The following PTPRR variants were observed in gnomAD, a reference collection of about 807,000 sequenced individuals.
PTPRR encodes receptor-type tyrosine-protein phosphatase R.
PTPRR carries 38 observed loss-of-function variants against 77.2 expected under a neutral mutation model. The ratio of observed to expected loss-of-function variants is 0.49; its 90% confidence interval spans 0.38 to 0.65. PTPRR has a LOEUF of 0.65. PTPRR is among the 30% of genes least tolerant of loss of function. The pLI is 0.00. For missense variants in PTPRR, 744 were observed against 799.2 expected (o/e 0.93, Z 0.83); for synonymous variants, 299 against 283.1 (o/e 1.06, Z -0.57).
chr12:70,734,957 G>A (rs1303995033), intron 6 of PTPRR, among the ~76,000 whole-genome samples: 1 of 152,064 alleles, frequency 6.6e-6, no homozygotes, highest in South Asian at 2.1e-4. Context: ...GTCTCATGAC[G>A]TACCATTAAT....
At chr12:70,754,783 C>A in intron 4 of PTPRR, 1 of 1,469,918 alleles carries the variant, frequency 6.8e-7, no homozygotes, top group Non-Finnish European at 9.0e-7. Context: ...ACAATGCCAG[C>A]ATTATTTCCT....
chr12:70,675,972 GT>G (rs1287976687), intron 10 of PTPRR, among the ~76,000 whole-genome samples: 4 of 151,336 alleles, frequency 2.6e-5, no homozygotes, highest in African/African-American at 9.7e-5. Context: ...GTGTCTAGCT[GT>G]GATTTACATT....
chr12:70,805,059 G>A (rs1194633430), intron 2 of PTPRR, among the ~76,000 whole-genome samples: 1 of 151,962 alleles, frequency 6.6e-6, no homozygotes. Flanking sequence ...TTCTTTCACA[G>A]GAATAGCCTT....
At chr12:70,800,819 C>A (rs1334686508) in intron 2 of PTPRR, among the ~76,000 whole-genome samples, 4 of 151,782 alleles carry the variant, frequency 2.6e-5, no homozygotes, top group African/African-American at 9.7e-5. Context: ...CGCTTGAACC[C>A]GGGTGGCGGA....
intron 6 of PTPRR, among the ~76,000 whole-genome samples, chr12:70,734,754 C>CTTAAACAT (rs1409166995): frequency 6.6e-6 from 1 of 152,170 alleles, no homozygotes; most frequent in East Asian, 1.9e-4. Context: ...ACTACAATGG[C>CTTAAACAT]TTAAACATTT....
Position 70,701,276 on chromosome 12 carries a change from T to C in PTPRR, c.1055A>G (p.Asn352Ser), listed in dbSNP as rs751192088. 30 of 1,613,808 alleles carry C rather than the reference T, an allele frequency of 1.9e-5. No individual in the cohort carries two copies. Among genetic ancestry groups the C allele is most frequent in the Non-Finnish European group, 2.5e-5 (30 of 1,179,898 alleles). Residue 352 changes from asparagine (N) to serine (S), a missense_variant, in exon 7 of 14, where the codon AAC becomes AGC. Physicochemically the swap from Asn to Ser is conservative, Grantham distance 46. Coordinates refer to ENST00000283228, the MANE Select transcript of PTPRR (RefSeq NM_002849.4). ...SLTLDMSSLG[N>S]IEPFVSIPTP... ...TGGTATAGACACAAAGGGTTCAATGTTCCCCAAGCTACTCATGTCCAATGT... is the reference window on the plus strand; with the variant it reads ...TGGTATAGACACAAAGGGTTCAATGCTCCCCAAGCTACTCATGTCCAATGT...
intron 2 of PTPRR, among the ~76,000 whole-genome samples, chr12:70,782,683 G>A (rs1009001843): frequency 6.6e-5 from 10 of 151,672 alleles, no homozygotes; most frequent in East Asian, 5.8e-4. Flanking sequence ...CACCGGGGCC[G>A]TTGTGGGGTG....
At chr12:70,669,834 A>G (rs1887153471) in intron 10 of PTPRR, among the ~76,000 whole-genome samples, 1 of 152,122 alleles carries the variant, frequency 6.6e-6, no homozygotes, top group African/African-American at 2.4e-5. Context: ...TCCTGGCCAC[A>G]AGTGATCCTT....
At position 70,717,457 on chromosome 12, in the gene PTPRR, T is replaced by A. The variant is rs531131976; in HGVS notation, c.1008-16134A>T. On this transcript the variant is annotated intron_variant, in intron 6 of 13. Transcript: ENST00000283228. ...AAAATGAACTCAAGAAATACACAAA[T>A]GAGTCTAAGTACTGAAAGACTCTAA... is the stretch of plus-strand genomic sequence containing the variant. Among the ~76,000 whole-genome samples the A allele has an allele frequency of 3.9e-5, 6 of 152,234 alleles. No individual in the cohort carries two copies. In the East Asian group the frequency reaches 1.2e-3, roughly 29 times the overall value.
chr12:70,709,630 C>T (rs987095560), intron 6 of PTPRR, among the ~76,000 whole-genome samples: 11 of 152,080 alleles, frequency 7.2e-5, no homozygotes, highest in African/African-American at 1.7e-4. Flanking sequence ...ACAACTTCAG[C>T]AAAGTTTCAG....
intron 1 of PTPRR, among the ~76,000 whole-genome samples, chr12:70,918,380 G>A (rs1009579700): frequency 6.6e-6 from 1 of 152,138 alleles, no homozygotes; most frequent in Non-Finnish European, 1.5e-5. Context: ...ATATAAAAAT[G>A]TCCTTAAATG....
chr12:70,645,214 T>C (rs1422099276), intron 13 of PTPRR, among the ~76,000 whole-genome samples: 1 of 152,188 alleles, frequency 6.6e-6, no homozygotes, highest in Non-Finnish European at 1.5e-5. Flanking sequence ...TGGTGTTCTG[T>C]GGAAGATTCT....
chr12:70,836,184 A>T (rs1244721175), intron 2 of PTPRR, among the ~76,000 whole-genome samples: 3 of 152,058 alleles, frequency 2.0e-5, no homozygotes, highest in African/African-American at 7.2e-5. Flanking sequence ...CACCTACAGG[A>T]TAGAATCCAG....
chr12:70,807,062 A>G (rs1891722881), intron 2 of PTPRR, among the ~76,000 whole-genome samples: 1 of 152,210 alleles, frequency 6.6e-6, no homozygotes, highest in Admixed American at 6.5e-5. Flanking sequence ...TTTCCTTATA[A>G]GAAAGACATG....
At chr12:70,746,192 G>T in intron 5 of PTPRR, 106 bp from the exon 6 acceptor site, 1 of 1,090,262 alleles carries the variant, frequency 9.2e-7, no homozygotes, top group Non-Finnish European at 1.3e-6. Flanking sequence ...AAGGCTTAAC[G>T]ATAAAGTAAA....
At chr12:70,920,006 T>C (rs759799694) in intron 1 of PTPRR, among the ~76,000 whole-genome samples, 10 of 151,894 alleles carry the variant, frequency 6.6e-5, no homozygotes, top group African/African-American at 9.7e-5. Flanking sequence ...TCCTGAAAAA[T>C]TGACAGTTAA....
intron 2 of PTPRR, among the ~76,000 whole-genome samples, chr12:70,766,256 A>T (rs1227883064): frequency 2.6e-5 from 4 of 152,194 alleles, no homozygotes; most frequent in Non-Finnish European, 4.4e-5. Context: ...AAAGAAGTTG[A>T]AAACTTTGAA....
Position 70,708,627 on chromosome 12 carries a change from CCCTTT to C in PTPRR, c.1008-7309_1008-7305del, listed in dbSNP as rs527739028. Among the ~76,000 whole-genome samples the C allele has an allele frequency of 2.0e-5, 3 of 151,392 alleles. No individual in the cohort carries two copies. In the South Asian group the frequency reaches 6.3e-4, roughly 32 times the overall value. On this transcript the variant is annotated intron_variant, in intron 6 of 13. Transcript: ENST00000283228. ...GTCATTCATGGTGAGGAGGCTGTTTCCCTTTCAACAAAATAACAAAATGATAGTAG... is the reference window on the plus strand; with the variant it reads ...GTCATTCATGGTGAGGAGGCTGTTTCCAACAAAATAACAAAATGATAGTAG...
rs115208438 is a variant in PTPRR at position 70,824,755 on chromosome 12, G to A, written c.358-59977C>T. On this transcript the variant is annotated intron_variant, in intron 2 of 13. Transcript: ENST00000283228. ...TTGTCGGGATGGGGTTGGTGGGGGC[G>A]GAGGGATATCTGTGTAAGAGTAAAG... Among the ~76,000 whole-genome samples, 762 of 152,232 alleles carry A rather than the reference G, an allele frequency of 5.0e-3. 8 individuals are homozygous for A. Among genetic ancestry groups the A allele is most frequent in the African/African-American group, 0.018 (728 of 41,530 alleles).
Sources: allele counts gnomAD v4.1 joint callset (sites outside exome capture counted in the v4.1 genomes callset), GRCh38; gene constraint gnomAD v4.1.1; transcripts MANE v1.5; gene names NCBI Gene and HGNC (gene_info 2026-07-23, HGNC 2026-07-21).